The following MAP7 variants were observed in gnomAD, a reference collection of about 807,000 sequenced individuals.
MAP7 encodes the protein ensconsin.
MAP7 carries 52 observed loss-of-function variants against 94.8 expected under a neutral mutation model. The observed-to-expected ratio is 0.55, with a 90% CI of 0.44 to 0.69. The LOEUF (loss-of-function observed/expected upper bound fraction) is 0.69, where lower values mean the gene tolerates loss of function less well. Among genes scored for constraint, MAP7 ranks in the 30% least tolerant of loss-of-function variants. The pLI, the probability that MAP7 is intolerant of heterozygous loss-of-function variation, is 0.00. For synonymous variants in MAP7, 350 were observed against 357.0 expected (o/e 0.98, Z 0.22); for missense variants, 940 against 964.6 (o/e 0.97, Z 0.34).
intron 1 of MAP7, among the ~76,000 whole-genome samples, chr6:136,488,974 C>T (rs531766365): frequency 5.8e-4 from 89 of 152,144 alleles, no homozygotes; most frequent in African/African-American, 2.0e-3. Flanking sequence ...TACTATGTTG[C>T]CTAGGCTGGC....
At chr6:136,513,957 G>T (rs750451532) in intron 1 of MAP7, among the ~76,000 whole-genome samples, 2 of 152,146 alleles carry the variant, frequency 1.3e-5, no homozygotes, top group African/African-American at 4.8e-5. Context: ...TCACCTGTAC[G>T]TAAGTCCCCA....
At chr6:136,409,885 A>G (rs933996626) in intron 3 of MAP7, among the ~76,000 whole-genome samples, 1 of 152,232 alleles carries the variant, frequency 6.6e-6, no homozygotes, top group Non-Finnish European at 1.5e-5. Flanking sequence ...CTAATGAGTC[A>G]TGTCCTGTGT....
intron 1 of MAP7, among the ~76,000 whole-genome samples, chr6:136,511,146 G>T (rs999535450): frequency 6.6e-6 from 1 of 152,130 alleles, no homozygotes; most frequent in Non-Finnish European, 1.5e-5. Flanking sequence ...TCTGGCTGAT[G>T]ATTAGAAGTG....
In MAP7 at chr6:136,360,700, C is replaced by T. The variant is rs972384468; in HGVS notation, c.1800G>A (p.Lys600=). The T allele has an allele frequency of 4.3e-6, 7 of 1,613,982 alleles. No homozygotes were observed. Among genetic ancestry groups the T allele is most frequent in the Admixed American group, 1.7e-5 (1 of 60,000 alleles). ...QREEQERLER[K]KRLEEIMKRT... ...CTCTCTACTAAGACGCAGCTACCTT[C>T]TTTCTCTCCAGGCGCTCTTGCTCTT... Residue 600 remains lysine, a synonymous_variant, in exon 13 of 18, where the codon AAG becomes AAA. Transcript: ENST00000354570.
intron 6 of MAP7, among the ~76,000 whole-genome samples, chr6:136,380,313 G>T (rs547548036): frequency 2.6e-5 from 4 of 152,266 alleles, no homozygotes; most frequent in Admixed American, 2.6e-4. Context: ...CAGGTAATAG[G>T]TGCCAGGAAG....
intron 16 of MAP7, among the ~76,000 whole-genome samples, chr6:136,352,669 C>T (rs1242146493): frequency 6.6e-6 from 1 of 152,022 alleles, no homozygotes; most frequent in Non-Finnish European, 1.5e-5. Flanking sequence ...TCTGATTAGA[C>T]CCCGACTGAT....
chr6:136,429,655 G>A (rs867236001), intron 1 of MAP7, among the ~76,000 whole-genome samples: 2 of 152,112 alleles, frequency 1.3e-5, no homozygotes, highest in East Asian at 1.9e-4. Context: ...AAGCTCTTTC[G>A]TTTACCACTA....
At chr6:136,515,581 T>G (rs1824559719) in intron 1 of MAP7, among the ~76,000 whole-genome samples, 1 of 152,192 alleles carries the variant, frequency 6.6e-6, no homozygotes, top group South Asian at 2.1e-4. Context: ...TTAGTTAACT[T>G]CATTTCAAAA....
rs376901368 is a variant in MAP7, at chr6:136,389,403, C to G, written c.359G>C (p.Arg120Thr). ...LEEQRQKEER[R>T]RAAVEEKRRQ... ...CCGCTTCTCCTCCACAGCAGCCCTC[C>G]TCCGCTCCTCCTTCTGCCTCTGCTC... Residue 120 changes from arginine (R) to threonine (T), a missense_variant, in exon 4 of 18, where the codon AGG becomes ACG. Arg to Thr is a moderately conservative substitution (Grantham distance 71). Coordinates refer to ENST00000354570, the MANE Select transcript of MAP7 (RefSeq NM_003980.6). 41 of 1,586,796 alleles carry G rather than the reference C, an allele frequency of 2.6e-5. No homozygotes were observed. The highest frequency in any genetic ancestry group is 3.3e-5 in the Non-Finnish European group (39 of 1,169,852).
chr6:136,393,983 T>A, intron 3 of MAP7, among the ~76,000 whole-genome samples: 1 of 142,150 alleles, frequency 7.0e-6, no homozygotes, highest in African/African-American at 2.6e-5. Flanking sequence ...AAGGTATTTT[T>A]TTTTTTTTTT....
chr6:136,409,804 T>C (rs1305061869), intron 3 of MAP7, among the ~76,000 whole-genome samples: 1 of 152,222 alleles, frequency 6.6e-6, no homozygotes, highest in Non-Finnish European at 1.5e-5. Context: ...GGGCTGGGTG[T>C]CAACCTTTAT....
intron 5 of MAP7, among the ~76,000 whole-genome samples, chr6:136,387,937 C>A (rs908889461): frequency 1.3e-5 from 2 of 152,018 alleles, no homozygotes; most frequent in African/African-American, 4.8e-5. Flanking sequence ...CTCAATAAAC[C>A]TATATATTTT....
At position 136,506,701 on chromosome 6, in the gene MAP7, A is replaced by T. The variant is rs115926707; in HGVS notation, c.67+43641T>A. ...TCCTTTCACCTCCAAAAAGGAATGA[A>T]GCTTGAGGCGGGTGTTAAAGCAAAC... On this transcript the variant is annotated intron_variant, in intron 1 of 17. Transcript: ENST00000354570. 6.9e-3 allele frequency among the ~76,000 whole-genome samples: 1,044 copies of T among 152,314 alleles called. 8 individuals carry two copies. Among genetic ancestry groups the T allele is most frequent in the African/African-American group, 0.024 (1,000 of 41,574 alleles).
chr6:136,384,363 C>T (rs957075089), intron 5 of MAP7, among the ~76,000 whole-genome samples: 4 of 151,938 alleles, frequency 2.6e-5, no homozygotes, highest in African/African-American at 7.3e-5. Flanking sequence ...TTTTAAGAAA[C>T]GTTCCTTTAT....
intron 1 of MAP7, among the ~76,000 whole-genome samples, chr6:136,521,293 A>G (rs1210718263): frequency 6.6e-6 from 1 of 152,186 alleles, no homozygotes; most frequent in African/African-American, 2.4e-5. Context: ...GTTTCATGAG[A>G]AGTTTATTTC....
chr6:136,550,326 C>A lies in MAP7; in HGVS notation c.67+16G>T. The A allele has an allele frequency of 8.6e-6, 13 of 1,505,894 alleles. No individual in the cohort carries two copies. Among genetic ancestry groups the A allele is most frequent in the Non-Finnish European group, 1.1e-5 (13 of 1,134,214 alleles). 93.3% of individuals were successfully genotyped at this position (1,505,894 alleles called of 1,614,324 possible). A position where few individuals can be genotyped will look rare whatever the true frequency, so the allele number is the denominator to read the frequency against. ...CCTGCCCGACGGGACCCCCACTATC[C>A]CCGCTGTGCGGTCACCTGTTTCGCT... On this transcript the variant is annotated intron_variant, in intron 1 of 17. Transcript: ENST00000354570. The surrounding 1 kb of genome is among the most constrained non-coding windows in gnomAD (Gnocchi z 5.1).
At chr6:136,393,932 G>A (rs997183664) in intron 3 of MAP7, among the ~76,000 whole-genome samples, 4 of 146,782 alleles carry the variant, frequency 2.7e-5, no homozygotes, top group African/African-American at 1.0e-4. Context: ...GAGCCCCAAC[G>A]CCTGGCCTAG....
intron 1 of MAP7, among the ~76,000 whole-genome samples, chr6:136,459,040 C>A (rs1804306964): frequency 6.6e-6 from 1 of 151,996 alleles, no homozygotes. Flanking sequence ...GGAACTCTTA[C>A]AACTCAACAA....
chr6:136,409,277 A>G (rs1261761575), intron 3 of MAP7, among the ~76,000 whole-genome samples: 1 of 152,162 alleles, frequency 6.6e-6, no homozygotes, highest in Admixed American at 6.5e-5. Flanking sequence ...GCCAGCTACT[A>G]AAGAGGCTGA....
Sources: gnomAD v4.1 joint callset for allele counts (sites outside exome capture counted in the v4.1 genomes callset) on GRCh38, gnomAD v4.1.1 for gene constraint, Gnocchi (gnomAD v3.1) non-coding constraint, MANE v1.5 for transcripts, NCBI Gene and HGNC (gene_info 2026-07-23, HGNC 2026-07-21) for gene names.